CDH12: variants seen among roughly 807,000 people sequenced by gnomAD.
CDH12 encodes cadherin 12, also known as cadherin-12.
CDH12 carries 41 observed loss-of-function variants against 74.1 expected under a neutral mutation model. The observed-to-expected ratio is 0.55, with a 90% CI of 0.43 to 0.72. The LOEUF (loss-of-function observed/expected upper bound fraction) is 0.72, where lower values mean the gene tolerates loss of function less well. Among genes scored for constraint, CDH12 ranks in the 30% least tolerant of loss-of-function variants. The pLI is 0.00. For synonymous variants in CDH12, 399 were observed against 355.0 expected, an observed-to-expected ratio of 1.12 and a Z score of -1.39; for missense variants, 945 against 977.2, an observed-to-expected ratio of 0.97 and a Z score of 0.44.
intron 6 of CDH12, among the ~76,000 whole-genome samples, chr5:21,945,150 C>T (rs935227275): frequency 2.6e-5 from 4 of 151,940 alleles, no homozygotes; most frequent in South Asian, 2.1e-4. Context: ...TGGGGCTGGG[C>T]GCAGTGGCTC....
intron 10 of CDH12, among the ~76,000 whole-genome samples, chr5:21,791,553 G>T (rs1014957589): frequency 6.6e-6 from 1 of 151,888 alleles, no homozygotes; most frequent in Admixed American, 6.6e-5. Context: ...TAAACAGAAA[G>T]TATGTTTGAC....
At chr5:22,230,554 C>T (rs1000107283) in intron 3 of CDH12, among the ~76,000 whole-genome samples, 2 of 151,080 alleles carry the variant, frequency 1.3e-5, no homozygotes, top group African/African-American at 4.9e-5. Context: ...TCACGGCAAC[C>T]TCCACCTCCC....
chr5:22,839,108 A>G (rs56720442), intron 1 of CDH12, among the ~76,000 whole-genome samples: 8,187 of 152,246 alleles, frequency 0.054, 334 homozygotes, highest in South Asian at 0.18. Context: ...TATTCTTTCT[A>G]TTGCTTTCTT....
At chr5:22,381,439 G>A (rs879776748) in intron 3 of CDH12, among the ~76,000 whole-genome samples, 22 of 151,882 alleles carry the variant, frequency 1.4e-4, no homozygotes, top group Admixed American at 3.3e-4. Context: ...TTCAATCTTC[G>A]GGTTGGTCAT....
At chr5:22,584,181 C>T (rs750102390) in intron 1 of CDH12, among the ~76,000 whole-genome samples, 4 of 152,016 alleles carry the variant, frequency 2.6e-5, no homozygotes, top group Non-Finnish European at 5.9e-5. Flanking sequence ...CTCACTGCAA[C>T]CTCCACCTCC....
chr5:22,749,951 C>G (rs764669103), intron 1 of CDH12, among the ~76,000 whole-genome samples: 2 of 152,178 alleles, frequency 1.3e-5, no homozygotes, highest in Non-Finnish European at 2.9e-5. Flanking sequence ...TTTTTCAATT[C>G]ATATAGCTAT....
chr5:22,170,526 CA>C (rs1748956657), intron 4 of CDH12, among the ~76,000 whole-genome samples: 1 of 151,020 alleles, frequency 6.6e-6, no homozygotes, highest in African/African-American at 2.4e-5. Context: ...AATGGCAATT[CA>C]AATGATGAGT....
intron 13 of CDH12, among the ~76,000 whole-genome samples, chr5:21,756,150 AAT>A (rs1244417488): frequency 6.6e-6 from 1 of 152,172 alleles, no homozygotes; most frequent in Non-Finnish European, 1.5e-5. Context: ...CTCATTAAAA[AAT>A]AGTTTTGTAA....
intron 3 of CDH12, among the ~76,000 whole-genome samples, chr5:22,320,552 A>C (rs1275381575): frequency 2.6e-5 from 4 of 152,208 alleles, no homozygotes; most frequent in Non-Finnish European, 5.9e-5. Context: ...GCATGCATGC[A>C]TATGTGGAAT....
At chr5:22,641,331 A>G (rs1739140199) in intron 1 of CDH12, among the ~76,000 whole-genome samples, 1 of 152,162 alleles carries the variant, frequency 6.6e-6, no homozygotes, top group Non-Finnish European at 1.5e-5. Context: ...GAGTTCTGAC[A>G]TCCGAGGATG....
intron 1 of CDH12, among the ~76,000 whole-genome samples, chr5:22,567,011 G>C (rs534028243): frequency 1.3e-5 from 2 of 152,284 alleles, no homozygotes; most frequent in Admixed American, 6.5e-5. Flanking sequence ...ATGAGAGGTG[G>C]CTAAGGCACT....
At chr5:22,825,073 C>A (rs1425404387) in intron 1 of CDH12, among the ~76,000 whole-genome samples, 1 of 151,974 alleles carries the variant, frequency 6.6e-6, no homozygotes, top group African/African-American at 2.4e-5. Context: ...GATATCTCTA[C>A]AATCACGCAT....
chr5:22,532,501 T>C (rs1737639881), intron 1 of CDH12, among the ~76,000 whole-genome samples: 1 of 150,684 alleles, frequency 6.6e-6, no homozygotes, highest in Non-Finnish European at 1.5e-5. Flanking sequence ...TGTGTATTTT[T>C]CTTTTAGACA....
intron 1 of CDH12, among the ~76,000 whole-genome samples, chr5:22,821,120 C>A (rs1445183960): frequency 6.6e-6 from 1 of 152,022 alleles, no homozygotes; most frequent in African/African-American, 2.4e-5. Context: ...ATAAACAGAA[C>A]CAAAGACAAA....
At chr5:22,214,003 A>G (rs1480573602) in intron 3 of CDH12, among the ~76,000 whole-genome samples, 1 of 151,894 alleles carries the variant, frequency 6.6e-6, no homozygotes, top group African/African-American at 2.4e-5. Context: ...ACATTGTGAT[A>G]TTTATATATA....
intron 1 of CDH12, among the ~76,000 whole-genome samples, chr5:22,566,678 T>A (rs907606757): frequency 6.6e-6 from 1 of 152,204 alleles, no homozygotes; most frequent in Non-Finnish European, 1.5e-5. Context: ...AAATGCTGGT[T>A]AGCGTCCGGA....
chr5:22,066,694 G>T (rs1741585299), intron 5 of CDH12, among the ~76,000 whole-genome samples: 1 of 152,172 alleles, frequency 6.6e-6, no homozygotes. Flanking sequence ...ACTCCCTCTA[G>T]ACAGAACAAT....
intron 7 of CDH12, among the ~76,000 whole-genome samples, chr5:21,847,211 A>G (rs1294117063): frequency 6.6e-6 from 1 of 152,068 alleles, no homozygotes; most frequent in Non-Finnish European, 1.5e-5. Context: ...AGCCTTGCAC[A>G]CTGTCTTCCC....
chr5:22,287,744 T>C (rs1021441630), intron 3 of CDH12, among the ~76,000 whole-genome samples: 3 of 149,196 alleles, frequency 2.0e-5, no homozygotes, highest in Admixed American at 6.7e-5. Flanking sequence ...AAAAAAAATG[T>C]ATAACAATAT....
Sources: gnomAD v4.1 joint callset for allele counts (sites outside exome capture counted in the v4.1 genomes callset) on GRCh38, gnomAD v4.1.1 for gene constraint, MANE v1.5 for transcripts, NCBI Gene and HGNC (gene_info 2026-07-23, HGNC 2026-07-21) for gene names.